ADAMTSL1: variants seen among roughly 807,000 people sequenced by gnomAD.
The protein encoded by ADAMTSL1 is ADAMTS like 1.
ADAMTSL1 carries 126 observed loss-of-function variants against 201.8 expected under a neutral mutation model. That is an observed-to-expected ratio of 0.62 (90% CI 0.54 to 0.72). The LOEUF (loss-of-function observed/expected upper bound fraction) is 0.72. ADAMTSL1 is among the 30% of genes least tolerant of loss of function. The pLI is 0.00. For missense variants in ADAMTSL1, 2,679 were observed against 2,277.8 expected, an observed-to-expected ratio of 1.18 and a Z score of -3.59; for synonymous variants, 1,121 against 903.4, an observed-to-expected ratio of 1.24 and a Z score of -4.32.
Position 18,005,293 on chromosome 9 carries a change from G to C in ADAMTSL1, c.87+98371G>C, listed in dbSNP as rs900069297. On this transcript the variant is annotated intron_variant, in intron 1 of 29. Coordinates refer to the ADAMTSL1 transcript ENST00000680146. Reference sequence around the variant, plus strand: ...CTTCAAAGGCCTGCACAGCTCACTAGAGAAGTGTGCAGAAAAAACAGACAA... The same window carrying C: ...CTTCAAAGGCCTGCACAGCTCACTACAGAAGTGTGCAGAAAAAACAGACAA... 3.9e-5 allele frequency among the ~76,000 whole-genome samples: 6 copies of C among 152,168 alleles called. No homozygotes were observed. In the South Asian group the frequency reaches 6.2e-4, roughly 16 times the overall value.
chr9:18,228,083 T>C (rs1830497140), intron 2 of ADAMTSL1, among the ~76,000 whole-genome samples: 1 of 152,226 alleles, frequency 6.6e-6, no homozygotes, highest in Non-Finnish European at 1.5e-5. Flanking sequence ...ACGTTCCACC[T>C]AAATACCTTA....
At chr9:18,790,248 G>C (rs374354413) in intron 19 of ADAMTSL1, among the ~76,000 whole-genome samples, 201 of 152,260 alleles carry the variant, frequency 1.3e-3, no homozygotes, top group African/African-American at 4.4e-3. Flanking sequence ...AAACTTAAAG[G>C]CTCACACAGT....
At position 18,448,997 on chromosome 9, in the gene ADAMTSL1, G is replaced by A. The variant is rs142561578; in HGVS notation, c.208-55832G>A. 6.4e-3 allele frequency among the ~76,000 whole-genome samples: 969 copies of A among 151,854 alleles called. 11 individuals are homozygous for A. The highest frequency in any genetic ancestry group is 0.022 in the African/African-American group (916 of 41,498). On this transcript the variant is annotated intron_variant, in intron 2 of 29. Coordinates refer to the ADAMTSL1 transcript ENST00000680146. ...ATTGAAAATACTAAATAAAATATAT[G>A]GGGGTTTTCTTTTCTCTTAAGTAGT...
At chr9:18,338,637 T>A (rs1434779023) in intron 2 of ADAMTSL1, among the ~76,000 whole-genome samples, 1 of 152,054 alleles carries the variant, frequency 6.6e-6, no homozygotes, top group Non-Finnish European at 1.5e-5. Flanking sequence ...ACAGCTCTTC[T>A]TTTAGGTTCA....
intron 2 of ADAMTSL1, among the ~76,000 whole-genome samples, chr9:18,532,348 T>C (rs1819495402): frequency 6.6e-6 from 1 of 152,172 alleles, no homozygotes. Context: ...CTAGTAATTC[T>C]CTTTCTAGAA....
At chr9:18,370,018 G>C (rs1836970954) in intron 2 of ADAMTSL1, among the ~76,000 whole-genome samples, 1 of 152,198 alleles carries the variant, frequency 6.6e-6, no homozygotes. Context: ...GGTGGCTCAT[G>C]TCTGTAATCC....
At chr9:18,820,170 T>A (rs539625632) in intron 21 of ADAMTSL1, among the ~76,000 whole-genome samples, 7 of 152,248 alleles carry the variant, frequency 4.6e-5, no homozygotes, top group Non-Finnish European at 8.8e-5. Context: ...AGCAGTATTT[T>A]ATGTCATATT....
intron 1 of ADAMTSL1, among the ~76,000 whole-genome samples, chr9:17,986,295 TC>T (rs539128819): frequency 1.7e-3 from 254 of 152,084 alleles, no homozygotes; most frequent in Non-Finnish European, 2.0e-3. Flanking sequence ...CCACCTACTC[TC>T]CTTAGGAATT....
At chr9:18,413,786 C>A (rs527927452) in intron 2 of ADAMTSL1, among the ~76,000 whole-genome samples, 26 of 152,198 alleles carry the variant, frequency 1.7e-4, no homozygotes, top group Non-Finnish European at 2.9e-4. Flanking sequence ...AGCTTCCCGT[C>A]CCATTTTTCT....
At chr9:18,025,508 G>A (rs1172802957) in intron 1 of ADAMTSL1, among the ~76,000 whole-genome samples, 1 of 151,952 alleles carries the variant, frequency 6.6e-6, no homozygotes, top group Admixed American at 6.6e-5. Flanking sequence ...TTATTGAATA[G>A]AGTCCTTTCC....
chr9:18,461,498 A>G (rs570396176), intron 2 of ADAMTSL1, among the ~76,000 whole-genome samples: 1 of 152,280 alleles, frequency 6.6e-6, no homozygotes, highest in South Asian at 2.1e-4. Context: ...ATTATGGTTG[A>G]TAGACATGTT....
intron 1 of ADAMTSL1, among the ~76,000 whole-genome samples, chr9:17,982,913 C>T (rs1191107139): frequency 6.6e-6 from 1 of 151,756 alleles, no homozygotes; most frequent in Non-Finnish European, 1.5e-5. Context: ...GTTCTCAATC[C>T]TGGCTGCATA....
At chr9:18,822,913 A>G (rs1029288749) in intron 21 of ADAMTSL1, among the ~76,000 whole-genome samples, 9 of 152,234 alleles carry the variant, frequency 5.9e-5, no homozygotes, top group African/African-American at 2.2e-4. Context: ...TCTGTGGAAC[A>G]TTCAAGGGCT....
chr9:18,387,342 G>A (rs1837839884), intron 2 of ADAMTSL1, among the ~76,000 whole-genome samples: 1 of 151,808 alleles, frequency 6.6e-6, no homozygotes, highest in Non-Finnish European at 1.5e-5. Context: ...ACCATGGGAT[G>A]GAATCCTCCT....
rs773379220 is a variant in ADAMTSL1, at chr9:18,622,280, A to T, written c.512A>T (p.Lys171Met). ...GATCACCAGCTGGGAAGCACCGTCA[A>T]GGAAGATAACTGTGGGGTCTGCAAC... Reference protein sequence around the residue: ...GCDHQLGSTVKEDNCGVCNGD... With the variant: ...GCDHQLGSTVMEDNCGVCNGD... The change falls in exon 5 of 29, where the codon AAG becomes ATG. Residue 171 changes from lysine (K) to methionine (M), a missense_variant. Lys to Met is a moderately conservative substitution (Grantham distance 95). Coordinates refer to ENST00000380548, the MANE Select transcript of ADAMTSL1 (RefSeq NM_001040272.6). The T allele has an allele frequency of 1.1e-5, 17 of 1,614,032 alleles. No individual in the cohort carries two copies. Among genetic ancestry groups the T allele is most frequent in the Non-Finnish European group, 1.4e-5 (17 of 1,179,942 alleles).
intron 9 of ADAMTSL1, among the ~76,000 whole-genome samples, chr9:18,665,806 T>C (rs1829394761): frequency 6.6e-6 from 1 of 152,134 alleles, no homozygotes; most frequent in Non-Finnish European, 1.5e-5. Flanking sequence ...TCGCCTATAC[T>C]CTTCAAAATA....
chr9:17,965,584 G>C (rs889370841), intron 1 of ADAMTSL1, among the ~76,000 whole-genome samples: 2 of 152,106 alleles, frequency 1.3e-5, no homozygotes, highest in African/African-American at 4.8e-5. Context: ...ACCAAGTCCT[G>C]GTAAAGATTT....
At chr9:18,885,182 G>A (rs1175715545) in intron 23 of ADAMTSL1, among the ~76,000 whole-genome samples, 2 of 152,184 alleles carry the variant, frequency 1.3e-5, no homozygotes, top group South Asian at 2.1e-4. Flanking sequence ...GTGGCTCACA[G>A]TCCTCCTTTG....
At chr9:18,380,575 A>T (rs550593916) in intron 2 of ADAMTSL1, among the ~76,000 whole-genome samples, 2 of 152,288 alleles carry the variant, frequency 1.3e-5, no homozygotes, top group African/African-American at 2.4e-5. Flanking sequence ...TGGTCATCCC[A>T]TCTGGGAAAA....
Sources: allele counts gnomAD v4.1 joint callset (sites outside exome capture counted in the v4.1 genomes callset), GRCh38; gene constraint gnomAD v4.1.1; transcripts MANE v1.5; gene names NCBI Gene and HGNC (gene_info 2026-07-23, HGNC 2026-07-21).